DMAP1: variants seen among roughly 807,000 people sequenced by gnomAD.
DMAP1 encodes the protein DNA methyltransferase 1-associated protein 1.
Under a neutral mutation model 52.7 loss-of-function variants are expected in DMAP1, and 26 were observed. The observed-to-expected ratio is 0.49, with a 90% CI of 0.36 to 0.68. The LOEUF is 0.68. Ranked by LOEUF, DMAP1 falls within the 30% of genes least tolerant of loss-of-function variation. The pLI, the probability that DMAP1 is intolerant of heterozygous loss-of-function variation, is 0.00. For missense variants in DMAP1, 439 were observed against 625.2 expected, an observed-to-expected ratio of 0.70 and a Z score of 3.18; for synonymous variants, 231 against 246.0, an observed-to-expected ratio of 0.94 and a Z score of 0.57.
chr1:44,219,025 C>T (rs1199046205), intron 5 of DMAP1, 31 bp from the exon 6 acceptor site: 1 of 1,611,740 alleles, frequency 6.2e-7, no homozygotes, highest in South Asian at 1.1e-5. Context: ...TAGAAGTGCC[C>T]TCACACACTT....
chr1:44,219,206 AAG>A lies in DMAP1; in HGVS notation c.873_874del (p.Lys292AlafsTer8). On this transcript the variant is annotated frameshift_variant, in exon 6 of 10. Coordinates refer to ENST00000372289, the MANE Select transcript of DMAP1 (RefSeq NM_019100.5). LOFTEE classifies it high-confidence loss of function. ...GCGCACGGAACGCAAGGCCCCCAAA[AAG>A]AAGCTACCCCAGAAAAAGGAGGCTG... ...QRRTERKAPK[K>X]KLPQKKEAEK... 1 of 1,613,838 alleles carries A rather than the reference AAG, an allele frequency of 6.2e-7. No individual in the cohort carries two copies. The highest frequency in any genetic ancestry group is 8.5e-7 in the Non-Finnish European group (1 of 1,179,956).
rs770115089 is a variant in DMAP1 at position 44,218,555 on chromosome 1, A to G, written c.553-33A>G. On this transcript the variant is annotated intron_variant, in intron 4 of 9. Transcript: ENST00000372289. The surrounding 1 kb of genome is among the most constrained non-coding windows in gnomAD (Gnocchi z 5.6). ...TGCCATCTCTTCCACATGCCCCTGAATGTTCATTCCTCTACCCTGTCTTGC... is the reference window on the plus strand; with the variant it reads ...TGCCATCTCTTCCACATGCCCCTGAGTGTTCATTCCTCTACCCTGTCTTGC... 6.8e-6 allele frequency: 11 copies of G among 1,608,042 alleles called. No individual in the cohort carries two copies. The highest frequency in any genetic ancestry group is 8.5e-7 in the Non-Finnish European group (1 of 1,175,408).
At chr1:44,214,278 G>T (rs949632893) in intron 1 of DMAP1, 72 bp from the exon 2 acceptor site, 18 of 1,406,352 alleles carry the variant, frequency 1.3e-5, no homozygotes, top group Non-Finnish European at 1.5e-5. Context: ...TTTGTTCAGG[G>T]ATTGAGCTGG....
intron 3 of DMAP1, chr1:44,215,704 A>G (rs1230651670): frequency 5.0e-6 from 1 of 198,790 alleles, no homozygotes; most frequent in Non-Finnish European, 1.0e-5. Flanking sequence ...ACATCTATTT[A>G]TTGAGTCCTG....
intron 3 of DMAP1, chr1:44,216,177 C>T (rs1230857065): frequency 6.6e-6 from 1 of 152,058 alleles, no homozygotes; most frequent in African/African-American, 2.4e-5. Context: ...AAATGTCTTC[C>T]TCACTTGACT....
At position 44,214,735 on chromosome 1, in the gene DMAP1, G is replaced by A. The variant is rs1384574968; in HGVS notation, c.230G>A (p.Gly77Asp). 1 of 1,613,020 alleles carries A rather than the reference G, an allele frequency of 6.2e-7. No individual in the cohort carries two copies. Among genetic ancestry groups the A allele is most frequent in the Non-Finnish European group, 8.5e-7 (1 of 1,179,166 alleles). ...CCCCCACTGCTACCCAGTGACACTG[G>A]CCAGGGATACCGTACAGTGAAGGCC... ...DAPPLLPSDT[G>D]QGYRTVKAKL... The change falls in exon 3 of 10, where the codon GGC becomes GAC. Residue 77 changes from glycine to aspartate, a missense_variant. By Grantham distance (94) the Gly-to-Asp change is moderately conservative (BLOSUM62 -1). This residue lies in a region of DMAP1 where 118 missense variants were observed against 189.8 expected (regional missense o/e 0.62). Coordinates refer to ENST00000372289, the MANE Select transcript of DMAP1 (RefSeq NM_019100.5).
rs772683814 is a variant in DMAP1 at position 44,218,812 on chromosome 1, C to G, written c.720+57C>G. The G allele has an allele frequency of 4.5e-6, 7 of 1,547,366 alleles. No individual in the cohort carries two copies. Among genetic ancestry groups the G allele is most frequent in the Non-Finnish European group, 5.2e-6 (6 of 1,143,004 alleles). Reference sequence around the variant, plus strand: ...GCCCCAAACCCCTTGCTCATTGTCTCCATCCTCCATCCCCTCAACTCCCAC... The same window carrying G: ...GCCCCAAACCCCTTGCTCATTGTCTGCATCCTCCATCCCCTCAACTCCCAC... On this transcript the variant is annotated intron_variant, in intron 5 of 9. Coordinates refer to ENST00000372289, the MANE Select transcript of DMAP1 (RefSeq NM_019100.5). The surrounding 1 kb of genome is among the most constrained non-coding windows in gnomAD (Gnocchi z 5.6).
At position 44,218,460 on chromosome 1, in the gene DMAP1, G is replaced by C; in HGVS notation, c.543G>C (p.Gln181His). 4.3e-6 allele frequency: 7 copies of C among 1,614,170 alleles called. No individual in the cohort carries two copies. Among genetic ancestry groups the C allele is most frequent in the Non-Finnish European group, 5.9e-6 (7 of 1,179,994 alleles). ...FVVIHDRYDH[Q>H]QFKKRSVEDL... is the part of the protein sequence containing the mutation. ...TTATCCATGACCGGTATGACCACCA[G>C]CAGTTCAAGGTGAGCCATTGTGTAT... is the stretch of plus-strand genomic sequence containing the variant. Residue 181 changes from glutamine to histidine, a missense_variant, in exon 4 of 10, where the codon CAG (glutamine) becomes CAC (histidine). Around this residue, in one of 3 missense-constraint regions of DMAP1, gnomAD observed 142 missense variants for 149.5 expected, o/e 0.95. Coordinates refer to ENST00000372289, the MANE Select transcript of DMAP1 (RefSeq NM_019100.5). The surrounding 1 kb of genome is among the most constrained non-coding windows in gnomAD (Gnocchi z 5.6).
intron 7 of DMAP1, 84 bp downstream of exon 7, chr1:44,219,561 G>C: frequency 1.4e-6 from 2 of 1,382,430 alleles, no homozygotes; most frequent in African/African-American, 2.9e-5. Flanking sequence ...AGGCAGGTGG[G>C]GATGGAGCAG....
At chr1:44,219,293 G>C in intron 6 of DMAP1, 52 bp downstream of exon 6, 1 of 1,587,704 alleles carries the variant, frequency 6.3e-7, no homozygotes, top group Admixed American at 1.8e-5. Context: ...CCTGGCACAA[G>C]GCCTCACCCC....
chr1:44,219,265 C>T, intron 6 of DMAP1, 24 bp downstream of exon 6: 4 of 1,607,130 alleles, frequency 2.5e-6, no homozygotes, highest in South Asian at 1.1e-5. Context: ...GCCAGCCTAG[C>T]TCAGGGTGGA....
Position 44,219,481 on chromosome 1 carries a change from C to T in DMAP1, c.978+4C>T, listed in dbSNP as rs201188376. ...TGTCACGCTGCGGAGCCAACGGGTA[C>T]GTGAGTCACCTCCTTTAGCAAGTTT... On this transcript the variant is annotated splice_donor_region_variant and intron_variant, in intron 7 of 9. Coordinates refer to ENST00000372289, the MANE Select transcript of DMAP1 (RefSeq NM_019100.5). 13 of 1,569,942 alleles carry T rather than the reference C, an allele frequency of 8.3e-6. No homozygotes were observed. Among genetic ancestry groups the T allele is most frequent in the Middle Eastern group, 1.7e-4 (1 of 5,742 alleles).
At chr1:44,214,212 G>T in intron 1 of DMAP1, 138 bp from the exon 2 acceptor site, 5 of 820,050 alleles carry the variant, frequency 6.1e-6, no homozygotes, top group Non-Finnish European at 1.0e-5. Context: ...CTGGGAGTGG[G>T]TTTCTGTGCC....
At chr1:44,214,941 A>G (rs781526663) in intron 3 of DMAP1, 43 bp downstream of exon 3, 3 of 1,610,878 alleles carry the variant, frequency 1.9e-6, no homozygotes, top group Non-Finnish European at 2.5e-6. Flanking sequence ...TTGCCCTCCC[A>G]CTTTGAGCCA....
At position 44,220,545 on chromosome 1, in the gene DMAP1, C is replaced by G. The variant is rs199895895; in HGVS notation, c.1345-14C>G. ...GGGGGGTCACTGACCTCAATGCCTT[C>G]TGTGTATCCTCAGAGAAAGCGACGG... On this transcript the variant is annotated splice_polypyrimidine_tract_variant and intron_variant, in intron 9 of 9. Transcript: ENST00000372289. 2 of 1,614,228 alleles carry G rather than the reference C, an allele frequency of 1.2e-6. No homozygotes were observed. Among genetic ancestry groups the G allele is most frequent in the South Asian group, 1.1e-5 (1 of 91,092 alleles).
At position 44,215,359 on chromosome 1, in the gene DMAP1, A is replaced by G. The variant is rs1276269389; in HGVS notation, c.393+461A>G. The G allele has an allele frequency of 6.6e-6, 3 of 456,424 alleles. 1 individual carries two copies. The highest frequency in any genetic ancestry group is 1.3e-5 in the Non-Finnish European group (3 of 227,086). 28.3% of individuals were successfully genotyped at this position (456,424 alleles called of 1,614,324 possible). On this transcript the variant is annotated intron_variant, in intron 3 of 9. Transcript: ENST00000372289. The stretch of plus-strand genomic sequence containing the variant: ...CAGAGCTCATCATCTTCCCTCTGTC[A>G]GTCCCAAATCTGTTCCCCATCTCAG...
intron 3 of DMAP1, chr1:44,215,984 G>A (rs1643784676): frequency 6.6e-6 from 1 of 152,428 alleles, no homozygotes; most frequent in Non-Finnish European, 1.5e-5. Context: ...ACCAATCTTT[G>A]TCCCTGGGCT....
At chr1:44,214,235 C>T in intron 1 of DMAP1, 115 bp from the exon 2 acceptor site, 3 of 966,842 alleles carry the variant, frequency 3.1e-6, no homozygotes, top group Non-Finnish European at 4.9e-6. Flanking sequence ...TACAGTGTGT[C>T]AGTTTGCCTG....
chr1:44,220,451 T>C, intron 9 of DMAP1, 108 bp from the exon 10 acceptor site: 1 of 1,593,526 alleles, frequency 6.3e-7, no homozygotes, highest in Non-Finnish European at 8.6e-7. Context: ...AGGGTAGGAG[T>C]GGGTTGACCA....
Sources: gnomAD v4.1 joint callset for allele counts on GRCh38, gnomAD v4.1.1 for gene constraint, gnomAD v4.1.1 regional missense constraint, Gnocchi (gnomAD v3.1) non-coding constraint, MANE v1.5 for transcripts, NCBI Gene and HGNC (gene_info 2026-07-23, HGNC 2026-07-21) for gene names.